Variants in GPSM1 observed in about 807,000 individuals in gnomAD.
The protein encoded by GPSM1 is G protein signaling modulator 1, also known as G protein-signaling modulator 1.
Under a neutral mutation model 70.5 loss-of-function variants are expected in GPSM1, and 48 were observed. The ratio of observed to expected loss-of-function variants is 0.68; its 90% confidence interval spans 0.54 to 0.87. GPSM1 has a LOEUF of 0.87. Ranked by LOEUF, GPSM1 falls within the 40% of genes least tolerant of loss-of-function variation. GPSM1 has a pLI of 0.00. For synonymous variants in GPSM1, 416 were observed against 430.1 expected (o/e 0.97, Z 0.41); for missense variants, 981 against 972.6 (o/e 1.01, Z -0.11).
intron 1 of GPSM1, 62 bp from the exon 2 acceptor site, chr9:136,334,385 G>A: frequency 7.9e-7 from 1 of 1,269,914 alleles, no homozygotes; most frequent in African/African-American, 1.5e-5. Context: ...AGCCACGGAG[G>A]TGCTCCGGCC....
In GPSM1 at chr9:136,344,043, C is replaced by T. The variant is rs986646415; in HGVS notation, c.1207+3050C>T. Among the ~76,000 whole-genome samples, 115 of 152,154 alleles carry T rather than the reference C, an allele frequency of 7.6e-4. 1 individual carries two copies. Among genetic ancestry groups the T allele is most frequent in the Admixed American group, 6.7e-3 (102 of 15,288 alleles). The stretch of plus-strand genomic sequence containing the variant: ...CACTGGCACCAAGACCGCTGAGCCG[C>T]GTCCAGCAGCTGATAGGTGAGGAAC... On this transcript the variant is annotated intron_variant, in intron 9 of 13. Transcript: ENST00000440944.
chr9:136,334,210 T>C (rs1832170643), intron 1 of GPSM1, among the ~76,000 whole-genome samples: 1 of 152,192 alleles, frequency 6.6e-6, no homozygotes, highest in South Asian at 2.1e-4. Flanking sequence ...GTTCCTGACC[T>C]TGGCCGCACA....
intron 9 of GPSM1, among the ~76,000 whole-genome samples, chr9:136,346,658 TC>T (rs1315473792): frequency 6.6e-6 from 1 of 152,164 alleles, no homozygotes; most frequent in African/African-American, 2.4e-5. Flanking sequence ...CCTGTTCTCA[TC>T]CGCAGCATGG....
chr9:136,339,403 G>C (rs898636177), intron 7 of GPSM1, among the ~76,000 whole-genome samples: 36 of 152,386 alleles, frequency 2.4e-4, no homozygotes, highest in African/African-American at 8.4e-4. Context: ...GAGGCCAAGG[G>C]CCCAGAAACT....
chr9:136,336,224 G>A, intron 3 of GPSM1, 123 bp downstream of exon 3: 1 of 1,186,416 alleles, frequency 8.4e-7, no homozygotes, highest in Non-Finnish European at 1.2e-6. Flanking sequence ...ATGACAGGGA[G>A]GTCGGTCCCC....
chr9:136,332,450 C>A (rs28452488), intron 1 of GPSM1, among the ~76,000 whole-genome samples: 74,369 of 152,158 alleles, frequency 0.49, 18,519 homozygotes, highest in Middle Eastern at 0.59. Context: ...TGGCTCCCAT[C>A]ATCAGATCTG....
intron 11 of GPSM1, chr9:136,353,128 G>A: frequency 4.1e-6 from 4 of 985,016 alleles, no homozygotes; most frequent in Non-Finnish European, 4.8e-6. Flanking sequence ...GTGGCTCCCT[G>A]CTGCTGTGGA....
At chr9:136,354,647 C>T (rs888828047) in intron 11 of GPSM1, among the ~76,000 whole-genome samples, 3 of 152,236 alleles carry the variant, frequency 2.0e-5, no homozygotes, top group Non-Finnish European at 2.9e-5. Context: ...CCGGACCAGG[C>T]CCTGTGAGGC....
chr9:136,353,925 C>A (rs1360793667), intron 11 of GPSM1, among the ~76,000 whole-genome samples: 2 of 152,224 alleles, frequency 1.3e-5, no homozygotes, highest in East Asian at 3.9e-4. Flanking sequence ...CTCCCAGAGC[C>A]CTGGCCCAAG....
At position 136,358,585 on chromosome 9, in the gene GPSM1, A is replaced by C; in HGVS notation, c.*365A>C. On this transcript the variant is annotated 3_prime_UTR_variant, in exon 14 of 14. Transcript: ENST00000440944. ...CCCTGCTGTCTCCCCCACCCTCCCCAAAGGTGTCTCTGAGCCGCCTCTTGG... is the reference window on the plus strand; with the variant it reads ...CCCTGCTGTCTCCCCCACCCTCCCCCAAGGTGTCTCTGAGCCGCCTCTTGG... 1 of 377,538 alleles carries C rather than the reference A, an allele frequency of 2.6e-6. No individual in the cohort carries two copies. Among genetic ancestry groups the C allele is most frequent in the Non-Finnish European group, 4.8e-6 (1 of 208,518 alleles). The allele number at this position is 377,538 out of a possible 1,614,324, so 23.4% of individuals were successfully genotyped here. A position where few individuals can be genotyped will look rare whatever the true frequency, so the allele number is the denominator to read the frequency against.
chr9:136,329,897 GCCCTGGGTGCTGGGTCGGTGGGGACGGGC>G (rs1564339073), intron 1 of GPSM1, among the ~76,000 whole-genome samples: 14 of 142,490 alleles, frequency 9.8e-5, no homozygotes, highest in Non-Finnish European at 1.5e-4. Context: ...TGGGGACGGG[GCCCTGGGTGCTGGGTCGGTGGGGACGGGC>G]CCCTGGGTGC....
In GPSM1 at chr9:136,336,067, G is replaced by A. The variant is rs782476387; in HGVS notation, c.392G>A (p.Arg131Gln). ...GACGAGGCTGCCGTCTGCTGCCAGC[G>A]GCATCTGAGCATCGCCCAAGAGCAG... ...RFDEAAVCCQRHLSIAQEQGD... is the reference protein window; with the variant it reads ...RFDEAAVCCQQHLSIAQEQGD... Residue 131 changes from arginine (R) to glutamine (Q), a missense_variant, in exon 3 of 14, where the codon CGG becomes CAG. By Grantham distance (43) the Arg-to-Gln change is conservative. Coordinates refer to ENST00000440944, the MANE Select transcript of GPSM1 (RefSeq NM_001145638.3). The A allele has an allele frequency of 1.2e-5, 19 of 1,611,990 alleles. No individual in the cohort carries two copies. The highest frequency in any genetic ancestry group is 1.4e-5 in the Non-Finnish European group (17 of 1,179,884).
chr9:136,335,210 C>G (rs185253581), intron 2 of GPSM1, among the ~76,000 whole-genome samples: 151 of 152,074 alleles, frequency 9.9e-4, no homozygotes, highest in Non-Finnish European at 1.3e-3. Flanking sequence ...GGGCCCACTC[C>G]CAGCCACTGC....
intron 6 of GPSM1, 135 bp downstream of exon 6, chr9:136,338,096 G>T: frequency 1.6e-6 from 1 of 639,782 alleles, no homozygotes; most frequent in Non-Finnish European, 2.7e-6. Flanking sequence ...GGGGTTCTAG[G>T]CTGCCCCGGG....
chr9:136,346,314 C>T (rs1296532912), intron 9 of GPSM1, among the ~76,000 whole-genome samples: 6 of 152,190 alleles, frequency 3.9e-5, no homozygotes, highest in African/African-American at 7.2e-5. Context: ...GGGCTGGAGG[C>T]GGAAGACCAG....
chr9:136,338,088 G>A (rs970795685), intron 6 of GPSM1, 127 bp downstream of exon 6: 2 of 655,400 alleles, frequency 3.1e-6, no homozygotes, highest in Middle Eastern at 3.1e-4. Context: ...GGCAAGGTGG[G>A]GTTCTAGGCT....
Position 136,337,839 on chromosome 9 carries a change from T to A in GPSM1, c.703-7T>A. On this transcript the variant is annotated splice_polypyrimidine_tract_variant and splice_region_variant and intron_variant, in intron 5 of 13. Transcript: ENST00000440944. ...ATGACCACCTGGCCTCCGGTGTGTCTCCGCAGCGCCTGGCCATTGCTAAGG... is the reference window on the plus strand; with the variant it reads ...ATGACCACCTGGCCTCCGGTGTGTCACCGCAGCGCCTGGCCATTGCTAAGG... The A allele has an allele frequency of 6.2e-7, 1 of 1,603,380 alleles. No homozygotes were observed. The highest frequency in any genetic ancestry group is 8.5e-7 in the Non-Finnish European group (1 of 1,171,684).
In GPSM1 at chr9:136,339,445, G is replaced by A. The variant is rs554421722; in HGVS notation, c.975-262G>A. On this transcript the variant is annotated intron_variant, in intron 7 of 13. Coordinates refer to ENST00000440944, the MANE Select transcript of GPSM1 (RefSeq NM_001145638.3). ...AAAGGCAGAGCCGGCCACAGGCCAG[G>A]TTGCTTGGACTCTGCGCTAATCCTT... is the stretch of plus-strand genomic sequence containing the variant. Among the ~76,000 whole-genome samples, 11 of 152,412 alleles carry A rather than the reference G, an allele frequency of 7.2e-5. No homozygotes were observed. The East Asian group carries it at 1.9e-3, about 27-fold the overall frequency.
At chr9:136,334,986 C>G (rs1554769029) in intron 2 of GPSM1, among the ~76,000 whole-genome samples, 2 of 152,182 alleles carry the variant, frequency 1.3e-5, no homozygotes, top group African/African-American at 4.8e-5. Context: ...TGGGGAAGCC[C>G]TCACCTGGAG....
Sources: gnomAD v4.1 joint callset for allele counts (sites outside exome capture counted in the v4.1 genomes callset) on GRCh38, gnomAD v4.1.1 for gene constraint, MANE v1.5 for transcripts, NCBI Gene and HGNC (gene_info 2026-07-23, HGNC 2026-07-21) for gene names.